The following DNAH10 variants were observed in gnomAD, a reference collection of about 807,000 sequenced individuals.
DNAH10 encodes the protein axonemal beta dynein heavy chain 10.
A neutral mutation model predicts 506.6 loss-of-function variants in DNAH10; 348 were observed. That is an observed-to-expected ratio of 0.69 (90% CI 0.63 to 0.75). The LOEUF (loss-of-function observed/expected upper bound fraction) is 0.75. Among genes scored for constraint, DNAH10 ranks in the 30% least tolerant of loss-of-function variants. The pLI is 0.00. For synonymous variants in DNAH10, 2,059 were observed against 2,198.6 expected, an observed-to-expected ratio of 0.94 and a Z score of 1.78; for missense variants, 5,179 against 5,787.1, an observed-to-expected ratio of 0.89 and a Z score of 3.41.
intron 76 of DNAH10, among the ~76,000 whole-genome samples, 174 bp downstream of exon 76, chr12:123,932,282 C>G (rs1283989724): frequency 6.6e-6 from 1 of 152,226 alleles, no homozygotes; most frequent in Non-Finnish European, 1.5e-5. Flanking sequence ...TTTGTTTTTC[C>G]TTTTCTTTTG....
intron 51 of DNAH10, among the ~76,000 whole-genome samples, chr12:123,885,682 A>G (rs781558830): frequency 2.0e-5 from 3 of 152,146 alleles, no homozygotes; most frequent in Non-Finnish European, 4.4e-5. Flanking sequence ...TTAACAACCA[A>G]TCACCCCACC....
intron 2 of DNAH10, among the ~76,000 whole-genome samples, chr12:123,769,518 A>G (rs1258562578): frequency 1.3e-5 from 2 of 152,110 alleles, no homozygotes; most frequent in Non-Finnish European, 2.9e-5. Flanking sequence ...TCTGGATGCC[A>G]CAGCAATGTC....
Position 123,909,258 on chromosome 12 carries a change from C to T in DNAH10, c.9816-3C>T, listed in dbSNP as rs200164883. The T allele has an allele frequency of 2.5e-5, 40 of 1,612,224 alleles. No homozygotes were observed. The highest frequency in any genetic ancestry group is 8.4e-5 in the Admixed American group (5 of 59,828). On this transcript the variant is annotated splice_region_variant and splice_polypyrimidine_tract_variant and intron_variant, in intron 57 of 78. Coordinates refer to ENST00000673944, the MANE Select transcript of DNAH10 (RefSeq NM_001372106.1). This position sits in a 1 kb window ranked among gnomAD's most constrained non-coding sequence, Gnocchi z 5.4. ...TGACCCACGTGCCTTGGTTTCTTGCCAGGTCGTTTGCTAAGCCCCCGAAGC... is the reference window on the plus strand; with the variant it reads ...TGACCCACGTGCCTTGGTTTCTTGCTAGGTCGTTTGCTAAGCCCCCGAAGC...
Position 123,913,129 on chromosome 12 carries a change from C to G in DNAH10, c.10166C>G (p.Thr3389Ser). ...VARLERNFYLTKRELERIQNE... is the reference protein window; with the variant it reads ...VARLERNFYLSKRELERIQNE... ...AGGCTGGAGCGGAATTTTTACCTCA[C>G]TAAACGGGAACTGGAAAGGATCCAG... The change falls in exon 60 of 79, where the codon ACT becomes AGT. Residue 3389 changes from threonine to serine, a missense_variant. This residue lies in a region of DNAH10 where 4,844 missense variants were observed against 5,430.5 expected (regional missense o/e 0.89). Transcript: ENST00000673944. This position sits in a 1 kb window ranked among gnomAD's most constrained non-coding sequence, Gnocchi z 5.1. 6.2e-7 allele frequency: 1 copy of G among 1,611,628 alleles called. No individual in the cohort carries two copies. Among genetic ancestry groups the G allele is most frequent in the Non-Finnish European group, 8.5e-7 (1 of 1,179,300 alleles).
At chr12:123,881,877 G>A (rs1952526501) in intron 51 of DNAH10, 64 bp downstream of exon 51, 3 of 1,379,872 alleles carry the variant, frequency 2.2e-6, no homozygotes, top group Non-Finnish European at 1.9e-6. Context: ...GGTAGTTCGT[G>A]TACATATTGG....
chr12:123,842,779 A>G (rs1950817472), intron 30 of DNAH10, among the ~76,000 whole-genome samples: 1 of 152,244 alleles, frequency 6.6e-6, no homozygotes. Context: ...TATTCCTGCC[A>G]TGGCTGATTT....
intron 77 of DNAH10, chr12:123,933,949 G>A (rs951968761): frequency 4.3e-6 from 2 of 463,600 alleles, no homozygotes; most frequent in Non-Finnish European, 7.6e-6. Flanking sequence ...ATTGGTTACT[G>A]ACTGTGCAAA....
rs1594183992 is a variant in DNAH10 at position 123,847,986 on chromosome 12, C to T, written c.5840C>T (p.Ala1947Val). The T allele has an allele frequency of 1.2e-6, 2 of 1,612,546 alleles. No individual in the cohort carries two copies. Among genetic ancestry groups the T allele is most frequent in the South Asian group, 2.2e-5 (2 of 90,960 alleles). The change falls in exon 33 of 79, where the codon GCC becomes GTC. Residue 1947 changes from alanine (A) to valine (V), a missense_variant. Transcript: ENST00000673944. ...TQALSMYLGG[A>V]PAGPAGTGKT... ...GCGCTGTCCATGTATCTAGGTGGGG[C>T]CCCCGCCGGCCCAGCAGGAACCGGC...
rs1418766749 is a variant in DNAH10 at position 123,783,276 on chromosome 12, A to C, written c.999+12A>C. ...AGAAGACACCTCAGGTAGTTTGTGCAGGGCTTTCAGAGAGCCCCGATCCAG... is the reference window on the plus strand; with the variant it reads ...AGAAGACACCTCAGGTAGTTTGTGCCGGGCTTTCAGAGAGCCCCGATCCAG... On this transcript the variant is annotated intron_variant, in intron 7 of 78. Coordinates refer to ENST00000673944, the MANE Select transcript of DNAH10 (RefSeq NM_001372106.1). 1.2e-6 allele frequency: 2 copies of C among 1,612,884 alleles called. No homozygotes were observed. The highest frequency in any genetic ancestry group is 2.7e-5 in the African/African-American group (2 of 74,914).
In DNAH10 at chr12:123,910,559, A is replaced by G. The variant is rs765898087; in HGVS notation, c.10021A>G (p.Thr3341Ala). 4 of 1,613,700 alleles carry G rather than the reference A, an allele frequency of 2.5e-6. No homozygotes were observed. Among genetic ancestry groups the G allele is most frequent in the Non-Finnish European group, 3.4e-6 (4 of 1,179,826 alleles). The change falls in exon 59 of 79, where the codon ACA becomes GCA. Residue 3341 changes from threonine to alanine, a missense_variant. This residue lies in a region of DNAH10 where 4,844 missense variants were observed against 5,430.5 expected (regional missense o/e 0.89). Coordinates refer to ENST00000673944, the MANE Select transcript of DNAH10 (RefSeq NM_001372106.1). ...IKGLLKTLNT[T>A]TEEMEAVSKA... Reference sequence around the variant, plus strand: ...AGGCCTCTTGAAGACTCTTAATACCACAACTGAAGAAATGGAAGCTGTCAG... The same window carrying G: ...AGGCCTCTTGAAGACTCTTAATACCGCAACTGAAGAAATGGAAGCTGTCAG...
At chr12:123,848,944 G>A in intron 34 of DNAH10, 62 bp downstream of exon 34, 3 of 1,579,468 alleles carry the variant, frequency 1.9e-6, no homozygotes, top group Non-Finnish European at 2.6e-6. Context: ...AGTATGGTAA[G>A]CTTCCTCTGT....
In DNAH10 at chr12:123,800,359, T is replaced by C. The variant is rs761532915; in HGVS notation, c.2433T>C (p.Asn811=). ...LGFTVPELAR[N]VALQEDKFLR... ...TCACTGTCCCTGAATTAGCAAGAAA[T>C]GTTGCTCTCCAGGAAGACAAATTCC... Residue 811 remains asparagine, a synonymous_variant, in exon 15 of 79, where the codon AAT becomes AAC. Coordinates refer to ENST00000673944, the MANE Select transcript of DNAH10 (RefSeq NM_001372106.1). 3.1e-6 allele frequency: 5 copies of C among 1,613,876 alleles called. No individual in the cohort carries two copies. In the East Asian group the frequency reaches 8.9e-5, roughly 29 times the overall value.
At position 123,819,092 on chromosome 12, in the gene DNAH10, G is replaced by A. The variant is rs199931288; in HGVS notation, c.3897+26G>A. On this transcript the variant is annotated intron_variant, in intron 22 of 78. Transcript: ENST00000673944. ...GTACCTTTTAAATTTCACTTCCTGA[G>A]TAAAGACATTGAAAAACGTATTTGG... is the stretch of plus-strand genomic sequence containing the variant. 1.8e-5 allele frequency: 28 copies of A among 1,599,766 alleles called. No individual in the cohort carries two copies. The African/African-American group carries it at 2.7e-4, about 15-fold the overall frequency.
chr12:123,896,370 C>T (rs1953244834), intron 54 of DNAH10, among the ~76,000 whole-genome samples: 1 of 152,152 alleles, frequency 6.6e-6, no homozygotes, highest in Non-Finnish European at 1.5e-5. Context: ...GTCTTTCCTT[C>T]CTCCATTTTA....
intron 18 of DNAH10, among the ~76,000 whole-genome samples, chr12:123,806,784 T>C (rs934474442): frequency 6.6e-6 from 1 of 151,806 alleles, no homozygotes; most frequent in Non-Finnish European, 1.5e-5. Context: ...TTTTTTTTTT[T>C]TGAGACGGAG....
intron 73 of DNAH10, 115 bp from the exon 74 acceptor site, chr12:123,931,226 C>G: frequency 7.0e-7 from 1 of 1,425,720 alleles, no homozygotes; most frequent in Non-Finnish European, 9.3e-7. Context: ...AAAAAAAAGT[C>G]ACCCTCTAAA....
At chr12:123,799,686 A>G (rs2136271915) in intron 14 of DNAH10, among the ~76,000 whole-genome samples, 2 of 152,350 alleles carry the variant, frequency 1.3e-5, no homozygotes, top group East Asian at 3.9e-4. Flanking sequence ...TGAATCATAT[A>G]TGAAACAGAG....
intron 52 of DNAH10, among the ~76,000 whole-genome samples, chr12:123,892,919 C>G (rs1047812178): frequency 3.9e-5 from 6 of 152,218 alleles, no homozygotes; most frequent in Admixed American, 3.3e-4. Context: ...GGGCAAATCC[C>G]AGCTGAGAAT....
intron 9 of DNAH10, among the ~76,000 whole-genome samples, chr12:123,786,410 C>T (rs986026242): frequency 6.7e-6 from 1 of 149,722 alleles, no homozygotes; most frequent in Non-Finnish European, 1.5e-5. Context: ...ACATGTTCTT[C>T]ATCCCTCAAA....
Sources: allele counts gnomAD v4.1 joint callset (sites outside exome capture counted in the v4.1 genomes callset), GRCh38; gene constraint gnomAD v4.1.1; regional missense constraint gnomAD v4.1.1; non-coding constraint Gnocchi (gnomAD v3.1); transcripts MANE v1.5; gene names NCBI Gene and HGNC (gene_info 2026-07-23, HGNC 2026-07-21).